Variants in DAPK2 observed in about 807,000 individuals in gnomAD.
The protein encoded by DAPK2 is death-associated protein kinase 2.
A neutral mutation model predicts 44.1 loss-of-function variants in DAPK2; 35 were observed. That is an observed-to-expected ratio of 0.79 (90% CI 0.61 to 1.05). The LOEUF is 1.05. Ranked by LOEUF, DAPK2 falls within the 50% of genes least tolerant of loss-of-function variation. The pLI, the probability that DAPK2 is intolerant of heterozygous loss-of-function variation, is 0.00. For missense variants in DAPK2, 453 were observed against 483.2 expected (o/e 0.94, Z 0.59); for synonymous variants, 174 against 182.6 (o/e 0.95, Z 0.38).
chr15:64,046,297 C>G lies in DAPK2; in HGVS notation c.-7+1G>C. On this transcript the variant is annotated splice_donor_variant, in intron 1 of 11. Transcript: ENST00000457488. LOFTEE classifies it low-confidence loss of function (5UTR_SPLICE). This position sits in a 1 kb window ranked among gnomAD's most constrained non-coding sequence, Gnocchi z 5.3. Reference sequence around the variant, plus strand: ...CGAGCCCGCAGACGGGTGCTACTCACGGCGGGAGGCTGAGCTGCCGCGGTC... The same window carrying G: ...CGAGCCCGCAGACGGGTGCTACTCAGGGCGGGAGGCTGAGCTGCCGCGGTC... The G allele has an allele frequency of 1.0e-6, 1 of 982,596 alleles. No individual in the cohort carries two copies. Among genetic ancestry groups the G allele is most frequent in the Non-Finnish European group, 1.2e-6 (1 of 828,394 alleles). The allele number at this position is 982,596 out of a possible 1,614,324, so 60.9% of individuals were successfully genotyped here. A position where few individuals can be genotyped will look rare whatever the true frequency, so the allele number is the denominator to read the frequency against.
At chr15:64,037,638 G>T (rs1044189546) in intron 1 of DAPK2, among the ~76,000 whole-genome samples, 5 of 152,172 alleles carry the variant, frequency 3.3e-5, no homozygotes, top group African/African-American at 9.7e-5. Flanking sequence ...GAACAGGAGG[G>T]CAGGAGAAAA....
chr15:63,911,930 T>C (rs772100581), exon 10 of DAPK2: 9 of 1,613,780 alleles, frequency 5.6e-6, no homozygotes, highest in Non-Finnish European at 7.6e-6. Context: ...CGGCCTCAGG[T>C]GCACCTTCTT....
intron 1 of DAPK2, among the ~76,000 whole-genome samples, chr15:63,999,775 A>G (rs1397143780): frequency 6.7e-6 from 1 of 150,262 alleles, no homozygotes; most frequent in East Asian, 2.0e-4. Context: ...TTATTTTTTT[A>G]TTTTTTTTGA....
chr15:64,041,229 G>T (rs1455571899), upstream of DAPK2, among the ~76,000 whole-genome samples: 1 of 152,156 alleles, frequency 6.6e-6, no homozygotes, highest in East Asian at 1.9e-4. Flanking sequence ...CAGGCACCAG[G>T]AGTCAGGAGC....
Position 63,990,120 on chromosome 15 carries a change from T to C in DAPK2, c.93-6366A>G, listed in dbSNP as rs2078777245. 6.6e-6 allele frequency among the ~76,000 whole-genome samples: 1 copy of C among 152,134 alleles called. No homozygotes were observed. Among genetic ancestry groups the C allele is most frequent in the Non-Finnish European group, 1.5e-5 (1 of 68,012 alleles). On this transcript the variant is annotated intron_variant, in intron 1 of 10. Coordinates refer to ENST00000261891, the Ensembl canonical transcript of DAPK2. The surrounding 1 kb of genome is among the most constrained non-coding windows in gnomAD (Gnocchi z 4.3). ...AGCCAACCAGACTTGTTCTGTCAAC[T>C]ACCAGGGCCAAGCTGCTAAAGGCTT... is the stretch of plus-strand genomic sequence containing the variant.
rs752455081 is a variant in DAPK2 at position 63,939,242 on chromosome 15, C to T, written c.573G>A (p.Pro191=). The change falls in exon 4 of 11, where the codon CCG becomes CCA. Residue 191 remains proline (P), a synonymous_variant. Coordinates refer to ENST00000261891, the Ensembl canonical transcript of DAPK2. This position sits in a 1 kb window ranked among gnomAD's most constrained non-coding sequence, Gnocchi z 4.3. ...AGGCCTACAACTCACCAACAAATTC[C>T]GGCGTCCCAAAAATATTCTTAAATT... The T allele has an allele frequency of 1.7e-5, 27 of 1,613,690 alleles. No individual in the cohort carries two copies. Among genetic ancestry groups the T allele is most frequent in the Middle Eastern group, 1.6e-4 (1 of 6,084 alleles).
chr15:63,970,016 C>G lies in DAPK2; in HGVS notation c.453+1407G>C, dbSNP rs2078167331. ...GGCACCTAATCAATCCTCAGATTGA[C>G]CTCTGCAAAAGATCTTGACTCTGTC... On this transcript the variant is annotated intron_variant, in intron 3 of 10. Transcript: ENST00000261891. Among the ~76,000 whole-genome samples, 6 of 152,200 alleles carry G rather than the reference C, an allele frequency of 3.9e-5. No homozygotes were observed. In the South Asian group the frequency reaches 1.2e-3, roughly 31 times the overall value.
At chr15:64,042,951 T>C (rs543679885), upstream of DAPK2, among the ~76,000 whole-genome samples, 1 of 152,332 alleles carries the variant, frequency 6.6e-6, no homozygotes, top group East Asian at 1.9e-4. This position sits in a 1 kb window ranked among gnomAD's most constrained non-coding sequence, Gnocchi z 4.7. Context: ...GTGCTCTTCA[T>C]ACCTTTTTAG....
chr15:63,914,226 C>G (rs556959245), intron 8 of DAPK2, among the ~76,000 whole-genome samples: 1 of 144,916 alleles, frequency 6.9e-6, no homozygotes, highest in Admixed American at 6.8e-5. Context: ...AGCTCCGGGG[C>G]GGGGGGTGGG....
intron 4 of DAPK2, among the ~76,000 whole-genome samples, chr15:63,933,710 C>CA (rs1490556587): frequency 3.3e-5 from 5 of 150,952 alleles, no homozygotes; most frequent in Admixed American, 6.6e-5. Context: ...GCGATCCTCT[C>CA]ACCTCAGCCT....
At chr15:63,948,993 C>A (rs1224952241) in intron 3 of DAPK2, among the ~76,000 whole-genome samples, 1 of 152,222 alleles carries the variant, frequency 6.6e-6, no homozygotes, top group African/African-American at 2.4e-5. Context: ...GTGCTCTCCA[C>A]TCTCCCACAT....
intron 8 of DAPK2, chr15:63,920,479 C>T (rs2079042719): frequency 6.6e-6 from 1 of 152,012 alleles, no homozygotes; most frequent in Middle Eastern, 3.2e-3. Context: ...CATCTTGGGC[C>T]TTTTTTCTTA....
Position 64,013,206 on chromosome 15 carries a change from C to T in DAPK2, c.92+26964G>A, listed in dbSNP as rs1286927372. On this transcript the variant is annotated intron_variant, in intron 1 of 10. Transcript: ENST00000261891. The surrounding 1 kb of genome is among the most constrained non-coding windows in gnomAD (Gnocchi z 4.7). ...CAGTCACAATAACATTTTGGTTGTT[C>T]TGTAAAATGAGACCAGTCTAACTCC... Among the ~76,000 whole-genome samples, 1 of 152,194 alleles carries T rather than the reference C, an allele frequency of 6.6e-6. No homozygotes were observed. The highest frequency in any genetic ancestry group is 1.5e-5 in the Non-Finnish European group (1 of 68,040).
At chr15:63,992,819 T>C (rs572897548) in intron 1 of DAPK2, among the ~76,000 whole-genome samples, 1 of 152,310 alleles carries the variant, frequency 6.6e-6, no homozygotes, top group East Asian at 1.9e-4. Flanking sequence ...GTCAGATGTA[T>C]GTTTAACAAA....
chr15:63,987,839 G>A (rs1368928953), intron 1 of DAPK2, among the ~76,000 whole-genome samples: 1 of 152,154 alleles, frequency 6.6e-6, no homozygotes, highest in African/African-American at 2.4e-5. Context: ...ACCCTGGGCA[G>A]CCTGTTCAAC....
At chr15:63,941,223 C>G (rs1408981548) in intron 3 of DAPK2, among the ~76,000 whole-genome samples, 1 of 152,200 alleles carries the variant, frequency 6.6e-6, no homozygotes, top group Non-Finnish European at 1.5e-5. Flanking sequence ...CTAACTCAAC[C>G]CACTGTGTTC....
chr15:63,911,714 C>T (rs2078796933), intron 10 of DAPK2, 194 bp downstream of exon 11: 3 of 615,460 alleles, frequency 4.9e-6, no homozygotes, highest in African/African-American at 1.8e-5. Context: ...CTCCCGGCAC[C>T]ACCCAGAGGT....
At chr15:63,946,111 G>A (rs897840197) in intron 3 of DAPK2, among the ~76,000 whole-genome samples, 1 of 152,238 alleles carries the variant, frequency 6.6e-6, no homozygotes, top group Non-Finnish European at 1.5e-5. Context: ...GGGCCTGCCT[G>A]CCACCAGGAG....
At chr15:64,011,447 G>C (rs1485236859) in intron 1 of DAPK2, among the ~76,000 whole-genome samples, 1 of 152,178 alleles carries the variant, frequency 6.6e-6, no homozygotes, top group Non-Finnish European at 1.5e-5. Flanking sequence ...TGTAATCCAA[G>C]CTACTCAGGA....
Sources: gnomAD v4.1 joint callset for allele counts (sites outside exome capture counted in the v4.1 genomes callset) on GRCh38, gnomAD v4.1.1 for gene constraint, Gnocchi (gnomAD v3.1) non-coding constraint, MANE v1.5 for transcripts, NCBI Gene and HGNC (gene_info 2026-07-23, HGNC 2026-07-21) for gene names.